C18orf63: variants seen among roughly 807,000 people sequenced by gnomAD.
C18orf63 encodes uncharacterized protein C18orf63.
In C18orf63, 50 loss-of-function variants were observed where a neutral mutation model predicts 75.3. That is an observed-to-expected ratio of 0.66 (90% confidence interval 0.53 to 0.84). The LOEUF (loss-of-function observed/expected upper bound fraction) is 0.84, where lower values mean the gene tolerates loss of function less well. Among genes scored for constraint, C18orf63 ranks in the 40% least tolerant of loss-of-function variants. The pLI is 0.00. For synonymous variants in C18orf63, 232 were observed against 267.6 expected, an observed-to-expected ratio of 0.87 and a Z score of 1.30; for missense variants, 732 against 800.2, an observed-to-expected ratio of 0.91 and a Z score of 1.03.
At chr18:74,345,535 C>T (rs1030918294) in intron 11 of C18orf63, among the ~76,000 whole-genome samples, 6 of 152,032 alleles carry the variant, frequency 3.9e-5, no homozygotes, top group South Asian at 2.1e-4. Flanking sequence ...ATCTGCAATG[C>T]AGTTGGAATT....
chr18:74,353,012 A>G (rs759869844), intron 11 of C18orf63, among the ~76,000 whole-genome samples: 3 of 152,172 alleles, frequency 2.0e-5, no homozygotes, highest in Non-Finnish European at 4.4e-5. Flanking sequence ...GAAATGTAGT[A>G]TATACCTTTA....
At chr18:74,330,398 A>T (rs1984284907) in intron 6 of C18orf63, among the ~76,000 whole-genome samples, 1 of 152,298 alleles carries the variant, frequency 6.6e-6, no homozygotes, top group Non-Finnish European at 1.5e-5. Context: ...TGAAAAAGAA[A>T]GGTAAAGACT....
chr18:74,327,145 T>C (rs1005431764), intron 4 of C18orf63, among the ~76,000 whole-genome samples: 3 of 152,074 alleles, frequency 2.0e-5, no homozygotes, highest in Admixed American at 6.6e-5. Context: ...TAAACAAGTT[T>C]TATTGTGAGT....
chr18:74,322,709 T>C lies in C18orf63; in HGVS notation c.225T>C (p.Tyr75=). The part of the protein sequence containing the change: ...QIWVVMAIPF[Y]KARKLNAYVE... ...GATTTTTGTTACAGATACCATTTTA[T>C]AAAGCAAGAAAACTTAATGCCTATG... The change falls in exon 4 of 14, where the codon TAT becomes TAC. Residue 75 remains tyrosine, a synonymous_variant. Coordinates refer to ENST00000579455, the MANE Select transcript of C18orf63 (RefSeq NM_001174123.2). The C allele has an allele frequency of 7.5e-7, 1 of 1,333,804 alleles. No homozygotes were observed. Among genetic ancestry groups the C allele is most frequent in the South Asian group, 1.4e-5 (1 of 72,328 alleles). 82.6% of individuals were successfully genotyped at this position (1,333,804 alleles called of 1,614,324 possible).
intron 7 of C18orf63, among the ~76,000 whole-genome samples, chr18:74,331,558 A>C (rs1984307725): frequency 6.6e-6 from 1 of 152,146 alleles, no homozygotes; most frequent in African/African-American, 2.4e-5. Flanking sequence ...GTCTAGAGAC[A>C]ATTTTGGTTA....
rs1202290315 is a variant in C18orf63, at chr18:74,328,048, C to A, written c.372C>A (p.Leu124=). The change falls in exon 5 of 14, where the codon CTC becomes CTA. Residue 124 remains leucine, a synonymous_variant. Coordinates refer to ENST00000579455, the MANE Select transcript of C18orf63 (RefSeq NM_001174123.2). ...CAGCCTGGAATAGAACTGGTCATCT[C>A]TTGATACAAGGTAACTTTATCTTTT... ...LAPAWNRTGH[L]LIQGRDFLSQ... is the part of the protein sequence containing the mutation. The A allele has an allele frequency of 3.3e-6, 5 of 1,523,098 alleles. No individual in the cohort carries two copies. In the African/African-American group the frequency reaches 4.1e-5, roughly 13 times the overall value. The allele number at this position is 1,523,098 out of a possible 1,614,324, so 94.3% of individuals were successfully genotyped here. A position where few individuals can be genotyped will look rare whatever the true frequency, so the allele number is the denominator to read the frequency against.
At chr18:74,326,615 G>A (rs777852166) in intron 4 of C18orf63, among the ~76,000 whole-genome samples, 26 of 152,172 alleles carry the variant, frequency 1.7e-4, no homozygotes, top group Admixed American at 3.3e-4. Flanking sequence ...GCTCTGTACT[G>A]CAGCCTAGAA....
At chr18:74,345,964 GCA>G (rs202091655) in intron 11 of C18orf63, among the ~76,000 whole-genome samples, 4 of 78,572 alleles carry the variant, frequency 5.1e-5, no homozygotes, top group Non-Finnish European at 7.6e-5. Flanking sequence ...ACACACTCGT[GCA>G]CACACACACA....
intron 3 of C18orf63, among the ~76,000 whole-genome samples, chr18:74,322,323 T>C (rs1392598661): frequency 6.6e-6 from 1 of 152,234 alleles, no homozygotes; most frequent in East Asian, 1.9e-4. Flanking sequence ...TTTGTATTCC[T>C]TTTATTAATA....
intron 2 of C18orf63, among the ~76,000 whole-genome samples, chr18:74,319,985 G>C (rs978431767): frequency 6.6e-6 from 1 of 152,184 alleles, no homozygotes; most frequent in Non-Finnish European, 1.5e-5. Context: ...CACCTACACT[G>C]TTCAAGGTGC....
At chr18:74,328,307 T>C (rs1984243505) in intron 5 of C18orf63, among the ~76,000 whole-genome samples, 1 of 152,144 alleles carries the variant, frequency 6.6e-6, no homozygotes, top group African/African-American at 2.4e-5. Flanking sequence ...AACTCCCCTT[T>C]ATAAAACCAT....
At chr18:74,320,015 G>C (rs922169388) in intron 2 of C18orf63, among the ~76,000 whole-genome samples, 1 of 152,184 alleles carries the variant, frequency 6.6e-6, no homozygotes, top group African/African-American at 2.4e-5. Context: ...TGTGGGGAGA[G>C]AGTCTCTAAC....
chr18:74,341,845 A>G (rs1246319173), intron 8 of C18orf63, among the ~76,000 whole-genome samples, 187 bp from the exon 9 acceptor site: 1 of 145,242 alleles, frequency 6.9e-6, no homozygotes, highest in Non-Finnish European at 1.5e-5. Context: ...TACTATTTTT[A>G]TTTGTCAATT....
intron 4 of C18orf63, among the ~76,000 whole-genome samples, chr18:74,324,125 T>C (rs1984169054): frequency 6.6e-6 from 1 of 152,226 alleles, no homozygotes; most frequent in Non-Finnish European, 1.5e-5. Context: ...ACAATAATCA[T>C]ACAGATGCAC....
chr18:74,326,352 T>C (rs930897449), intron 4 of C18orf63, among the ~76,000 whole-genome samples: 1 of 152,212 alleles, frequency 6.6e-6, no homozygotes, highest in Non-Finnish European at 1.5e-5. Context: ...AAGCCAGCAA[T>C]TTTTTCTGGA....
intron 3 of C18orf63, among the ~76,000 whole-genome samples, chr18:74,321,485 T>C (rs1242879995): frequency 6.6e-6 from 1 of 152,052 alleles, no homozygotes; most frequent in Non-Finnish European, 1.5e-5. Flanking sequence ...TTTGTATTTG[T>C]GTAGAGAGAG....
intron 11 of C18orf63, among the ~76,000 whole-genome samples, chr18:74,352,304 A>T (rs1019670480): frequency 6.6e-6 from 1 of 152,180 alleles, no homozygotes; most frequent in Non-Finnish European, 1.5e-5. Flanking sequence ...ATGAAAAAAA[A>T]TTTTTGGAAA....
At chr18:74,345,233 G>T (rs1263465044) in intron 11 of C18orf63, among the ~76,000 whole-genome samples, 1 of 151,370 alleles carries the variant, frequency 6.6e-6, no homozygotes, top group Non-Finnish European at 1.5e-5. Flanking sequence ...GTGTTTGTTT[G>T]TTTTTTTATT....
chr18:74,352,208 T>C (rs1376078464), intron 11 of C18orf63, among the ~76,000 whole-genome samples: 1 of 151,950 alleles, frequency 6.6e-6, no homozygotes, highest in Non-Finnish European at 1.5e-5. Flanking sequence ...ATTCATAGAA[T>C]AGAAAGTAAA....
Sources: allele counts gnomAD v4.1 joint callset (sites outside exome capture counted in the v4.1 genomes callset), GRCh38; gene constraint gnomAD v4.1.1; transcripts MANE v1.5; gene names NCBI Gene and HGNC (gene_info 2026-07-23, HGNC 2026-07-21).